PHTF2: variants seen among roughly 807,000 people sequenced by gnomAD.
PHTF2 encodes protein PHTF2.
Under a neutral mutation model 101.2 loss-of-function variants are expected in PHTF2, and 60 were observed. That is an observed-to-expected ratio of 0.59 (90% CI 0.48 to 0.73). PHTF2 has a LOEUF of 0.73. Ranked by LOEUF, PHTF2 falls within the 30% of genes least tolerant of loss-of-function variation. The pLI is 0.00. For synonymous variants in PHTF2, 311 were observed against 307.3 expected, an observed-to-expected ratio of 1.01 and a Z score of -0.13; for missense variants, 747 against 908.7, an observed-to-expected ratio of 0.82 and a Z score of 2.29.
At position 77,893,562 on chromosome 7, in the gene PHTF2, A is replaced by T. The variant is rs1562923340; in HGVS notation, c.148-46A>T. 8 of 771,098 alleles carry T rather than the reference A, an allele frequency of 1.0e-5. 1 individual carries two copies. The South Asian group carries it at 1.3e-4, about 13-fold the overall frequency. The allele number at this position is 771,098 out of a possible 1,614,324, so 47.8% of individuals were successfully genotyped here. A position where few individuals can be genotyped will look rare whatever the true frequency, so the allele number is the denominator to read the frequency against. On this transcript the variant is annotated intron_variant, in intron 3 of 19. Coordinates refer to ENST00000416283, the Ensembl canonical transcript of PHTF2. ...TTTCAAGCAGAGTTATACCTATTTG[A>T]TGGGTACCAGCAATGACCATTTAAT...
intron 15 of PHTF2, among the ~76,000 whole-genome samples, chr7:77,941,689 G>T (rs145496002): frequency 6.6e-6 from 1 of 152,092 alleles, no homozygotes; most frequent in African/African-American, 2.4e-5. Context: ...GAATCCATTT[G>T]CTTCTCTTTG....
chr7:77,870,954 A>G (rs1445752863), intron 3 of PHTF2, among the ~76,000 whole-genome samples: 1 of 152,268 alleles, frequency 6.6e-6, no homozygotes, highest in Non-Finnish European at 1.5e-5. Context: ...TTCTTAGTAT[A>G]AGTGTATACA....
intron 3 of PHTF2, among the ~76,000 whole-genome samples, chr7:77,892,924 T>C (rs925737007): frequency 6.6e-6 from 1 of 152,218 alleles, no homozygotes; most frequent in African/African-American, 2.4e-5. Context: ...AAATTTTTAA[T>C]TGTATAGCAT....
intron 3 of PHTF2, among the ~76,000 whole-genome samples, chr7:77,873,742 C>G (rs1245598600): frequency 2.0e-5 from 3 of 152,192 alleles, no homozygotes; most frequent in Non-Finnish European, 4.4e-5. Context: ...ACTCAGTGTC[C>G]TGCCTCATCA....
rs550030012 is a variant in PHTF2 at position 77,923,190 on chromosome 7, C to A, written c.1119+412C>A. The A allele has an allele frequency of 5.3e-6, 5 of 934,966 alleles. No homozygotes were observed. In the African/African-American group the frequency reaches 8.9e-5, roughly 17 times the overall value. 57.9% of individuals were successfully genotyped at this position (934,966 alleles called of 1,614,324 possible). A position where few individuals can be genotyped will look rare whatever the true frequency, so the allele number is the denominator to read the frequency against. On this transcript the variant is annotated intron_variant, in intron 11 of 19. Coordinates refer to ENST00000416283, the Ensembl canonical transcript of PHTF2. ...TATTAAGTCCCCATACTTCAAAATT[C>A]AGTTCTTTTTTCTTTGTTTCTATTT...
chr7:77,867,548 A>T (rs952053413), intron 3 of PHTF2, among the ~76,000 whole-genome samples: 1 of 152,198 alleles, frequency 6.6e-6, no homozygotes, highest in African/African-American at 2.4e-5. Context: ...CTGACTACTT[A>T]TTATTGCTGT....
exon 7 of PHTF2, chr7:77,901,779 G>T: frequency 6.5e-7 from 1 of 1,531,318 alleles, no homozygotes; most frequent in Non-Finnish European, 8.8e-7. Context: ...ATTTGCAAAG[G>T]CAAAGCCTGA....
intron 7 of PHTF2, among the ~76,000 whole-genome samples, chr7:77,905,765 T>C (rs1383521958): frequency 2.0e-5 from 3 of 152,108 alleles, no homozygotes; most frequent in African/African-American, 7.2e-5. Context: ...GTCAGAGTGC[T>C]GGGATTACAG....
At chr7:77,936,803 A>G (rs1489116887) in intron 12 of PHTF2, among the ~76,000 whole-genome samples, 2 of 151,318 alleles carry the variant, frequency 1.3e-5, no homozygotes, top group African/African-American at 4.9e-5. Flanking sequence ...GTCTGATTAT[A>G]TAAAGGTTTA....
At chr7:77,924,901 A>G (rs1366084326) in intron 11 of PHTF2, among the ~76,000 whole-genome samples, 1 of 152,094 alleles carries the variant, frequency 6.6e-6, no homozygotes, top group Admixed American at 6.6e-5. Context: ...GCCTTTTTCT[A>G]CTATCTACTG....
chr7:77,930,741 TACA>T (rs964751173), intron 12 of PHTF2, among the ~76,000 whole-genome samples: 1 of 152,214 alleles, frequency 6.6e-6, no homozygotes, highest in Admixed American at 6.5e-5. Context: ...CTTCCTGGTT[TACA>T]ACAGCTATCT....
chr7:77,919,036 A>G (rs1413190345), intron 9 of PHTF2, among the ~76,000 whole-genome samples: 1 of 152,224 alleles, frequency 6.6e-6, no homozygotes, highest in Non-Finnish European at 1.5e-5. Flanking sequence ...CCTAACAGGC[A>G]GTTTCCCAGA....
At chr7:77,820,297 A>G (rs111736593) in intron 1 of PHTF2, among the ~76,000 whole-genome samples, 27 of 152,052 alleles carry the variant, frequency 1.8e-4, no homozygotes, top group Non-Finnish European at 3.1e-4. Context: ...CCAGGAACTT[A>G]TCTAGTTTCT....
At chr7:77,890,730 C>T (rs1486474278) in intron 3 of PHTF2, among the ~76,000 whole-genome samples, 2 of 151,210 alleles carry the variant, frequency 1.3e-5, no homozygotes, top group African/African-American at 4.9e-5. Context: ...CTCAGCCTCC[C>T]AAGTAACTGG....
At chr7:77,944,823 A>G (rs1805913868) in intron 16 of PHTF2, among the ~76,000 whole-genome samples, 1 of 152,358 alleles carries the variant, frequency 6.6e-6, no homozygotes. Context: ...AATGAAAAAT[A>G]CAGTTATTGA....
At chr7:77,923,256 A>G in intron 11 of PHTF2, 3 of 865,094 alleles carry the variant, frequency 3.5e-6, no homozygotes, top group Non-Finnish European at 4.2e-6. Context: ...CTTTTCAACT[A>G]TATCATATCT....
chr7:77,932,621 A>AGAGTGT (rs759880633), intron 12 of PHTF2, among the ~76,000 whole-genome samples: 406 of 118,552 alleles, frequency 3.4e-3, no homozygotes, highest in African/African-American at 0.012. Context: ...AGAGAGAGAG[A>AGAGTGT]GTGTGTGTGT....
chr7:77,932,419 AG>A (rs1804649135), intron 12 of PHTF2, among the ~76,000 whole-genome samples: 1 of 152,068 alleles, frequency 6.6e-6, no homozygotes, highest in Non-Finnish European at 1.5e-5. Flanking sequence ...ATGGTAAGAG[AG>A]TTATTGCCTG....
intron 1 of PHTF2, among the ~76,000 whole-genome samples, chr7:77,831,723 A>G (rs1305873886): frequency 6.6e-6 from 1 of 152,194 alleles, no homozygotes; most frequent in African/African-American, 2.4e-5. Context: ...CACGGCTGCC[A>G]TGACTGGACA....
Sources: gnomAD v4.1 joint callset for allele counts (sites outside exome capture counted in the v4.1 genomes callset) on GRCh38, gnomAD v4.1.1 for gene constraint, MANE v1.5 for transcripts, NCBI Gene and HGNC (gene_info 2026-07-23, HGNC 2026-07-21) for gene names.